TMEM108: variants seen among roughly 807,000 people sequenced by gnomAD.
TMEM108 encodes cancer/testis antigen 124.
Under a neutral mutation model 35.1 loss-of-function variants are expected in TMEM108, and 12 were observed. The ratio of observed to expected loss-of-function variants is 0.34; its 90% CI spans 0.22 to 0.55. The LOEUF (loss-of-function observed/expected upper bound fraction) is 0.55, where lower values mean the gene tolerates loss of function less well. Among genes scored for constraint, TMEM108 ranks in the 20% least tolerant of loss-of-function variants. The pLI, the probability that TMEM108 is intolerant of heterozygous loss-of-function variation, is 0.89. For synonymous variants in TMEM108, 287 were observed against 308.6 expected (o/e 0.93, Z 0.73); for missense variants, 680 against 753.3 (o/e 0.90, Z 1.14).
At chr3:133,200,669 C>A (rs930577389) in intron 2 of TMEM108, among the ~76,000 whole-genome samples, 2 of 152,202 alleles carry the variant, frequency 1.3e-5, no homozygotes, top group Non-Finnish European at 2.9e-5. Flanking sequence ...ATATCAATGA[C>A]TTCCCAGGGT....
chr3:133,134,285 G>A (rs1944533382), intron 2 of TMEM108, among the ~76,000 whole-genome samples: 2 of 151,866 alleles, frequency 1.3e-5, no homozygotes, highest in Admixed American at 6.6e-5. Context: ...ACTAATTATT[G>A]TATTCAATAT....
chr3:133,047,954 G>A (rs1313241801), intron 2 of TMEM108, among the ~76,000 whole-genome samples: 3 of 152,148 alleles, frequency 2.0e-5, no homozygotes, highest in Non-Finnish European at 1.5e-5. Context: ...CACTAACTGA[G>A]GAACAGTGGA....
At chr3:133,179,702 TGTTAAATGATGA>T (rs1200424428) in intron 2 of TMEM108, among the ~76,000 whole-genome samples, 1 of 152,082 alleles carries the variant, frequency 6.6e-6, no homozygotes, top group Non-Finnish European at 1.5e-5. Context: ...ATATACCTAA[TGTTAAATGATGA>T]GTTACTGGGT....
At chr3:133,372,612 T>G (rs927155431) in intron 3 of TMEM108, among the ~76,000 whole-genome samples, 3 of 152,212 alleles carry the variant, frequency 2.0e-5, no homozygotes, top group African/African-American at 7.2e-5. Flanking sequence ...TGGAATGTAT[T>G]CAAGAGATTG....
intron 3 of TMEM108, among the ~76,000 whole-genome samples, chr3:133,334,544 G>GAGGTGAGATGGGGTTCGC (rs2071454841): frequency 6.6e-6 from 1 of 152,140 alleles, no homozygotes; most frequent in Non-Finnish European, 1.5e-5. Flanking sequence ...CTGGCAGGAG[G>GAGGTGAGATGGGGTTCGC]AGGTGAGATG....
chr3:133,140,871 T>A (rs985852887), intron 2 of TMEM108, among the ~76,000 whole-genome samples: 2 of 152,152 alleles, frequency 1.3e-5, no homozygotes, highest in Non-Finnish European at 2.9e-5. Flanking sequence ...TAATTATATA[T>A]TGTGATTTAA....
At chr3:133,139,727 G>C (rs74653924) in intron 2 of TMEM108, among the ~76,000 whole-genome samples, 4,299 of 152,262 alleles carry the variant, frequency 0.028, 217 homozygotes, top group African/African-American at 0.098. Context: ...ATTTCTGGCT[G>C]CTCTGCCATT....
chr3:133,346,291 C>T lies in TMEM108; in HGVS notation c.41-33461C>T, dbSNP rs2071814894. Among the ~76,000 whole-genome samples, 1 of 151,894 alleles carries T rather than the reference C, an allele frequency of 6.6e-6. No homozygotes were observed. The highest frequency in any genetic ancestry group is 2.1e-4 in the South Asian group (1 of 4,830). ...GAGTTCCTGTTACTTCACTTCCTCA[C>T]CAGCATTTGGTATTATCAGTTTTGT... On this transcript the variant is annotated intron_variant, in intron 3 of 5. Transcript: ENST00000321871. The surrounding 1 kb of genome is among the most constrained non-coding windows in gnomAD (Gnocchi z 4.0).
At chr3:133,126,516 C>T (rs1353827650) in intron 2 of TMEM108, among the ~76,000 whole-genome samples, 1 of 151,672 alleles carries the variant, frequency 6.6e-6, no homozygotes, top group Non-Finnish European at 1.5e-5. Flanking sequence ...TATCTAGACC[C>T]TCCAGAGTCT....
chr3:133,178,347 C>A (rs529237396), intron 2 of TMEM108, among the ~76,000 whole-genome samples: 1 of 152,144 alleles, frequency 6.6e-6, no homozygotes, highest in African/African-American at 2.4e-5. Context: ...GCCCACATTG[C>A]CACATCAATC....
At chr3:133,185,742 A>G (rs62280329) in intron 2 of TMEM108, among the ~76,000 whole-genome samples, 27,873 of 150,228 alleles carry the variant, frequency 0.19, 3,421 homozygotes, top group East Asian at 0.38. Context: ...CCTTTGGCCA[A>G]TGAATTGGGG....
chr3:133,209,904 TA>T (rs1945812178), intron 2 of TMEM108, among the ~76,000 whole-genome samples: 1 of 152,038 alleles, frequency 6.6e-6, no homozygotes, highest in South Asian at 2.1e-4. Context: ...TTTCAGTCAC[TA>T]TCTCCTTATT....
intron 2 of TMEM108, among the ~76,000 whole-genome samples, chr3:133,117,608 G>C (rs2107730702): frequency 6.6e-6 from 1 of 152,270 alleles, no homozygotes. Flanking sequence ...CTTCTCAACA[G>C]GTTCACTTCT....
chr3:133,239,759 G>A (rs554579175), intron 3 of TMEM108, among the ~76,000 whole-genome samples: 1 of 152,330 alleles, frequency 6.6e-6, no homozygotes, highest in African/African-American at 2.4e-5. Flanking sequence ...CTATCCAGGA[G>A]CAGGAGACGC....
intron 2 of TMEM108, among the ~76,000 whole-genome samples, chr3:133,166,492 G>T (rs1452644993): frequency 1.3e-5 from 2 of 152,196 alleles, no homozygotes; most frequent in African/African-American, 4.8e-5. Context: ...TGTGTCCGGA[G>T]TTTGTTCCTT....
At chr3:133,154,393 G>A (rs1944846472) in intron 2 of TMEM108, among the ~76,000 whole-genome samples, 3 of 151,872 alleles carry the variant, frequency 2.0e-5, no homozygotes, top group Admixed American at 6.6e-5. Context: ...GTATTGCCTA[G>A]GTTTTCTTCT....
intron 3 of TMEM108, among the ~76,000 whole-genome samples, chr3:133,379,102 G>A (rs989913793): frequency 6.6e-6 from 1 of 152,162 alleles, no homozygotes. Context: ...GGATATGTGC[G>A]AGCTTATCCA....
At chr3:133,287,046 A>G (rs372370142) in intron 3 of TMEM108, among the ~76,000 whole-genome samples, 66 of 152,118 alleles carry the variant, frequency 4.3e-4, no homozygotes, top group Middle Eastern at 3.2e-3. Flanking sequence ...TCTTTGCTGT[A>G]AAAACAGGCA....
At chr3:133,179,088 A>G (rs376525273) in intron 2 of TMEM108, among the ~76,000 whole-genome samples, 39,117 of 151,186 alleles carry the variant, frequency 0.26, 5,111 homozygotes, top group Middle Eastern at 0.38. Context: ...GAGAAATGCA[A>G]ATCAAAACCA....
Sources: gnomAD v4.1 joint callset for allele counts (sites outside exome capture counted in the v4.1 genomes callset) on GRCh38, gnomAD v4.1.1 for gene constraint, Gnocchi (gnomAD v3.1) non-coding constraint, MANE v1.5 for transcripts, NCBI Gene and HGNC (gene_info 2026-07-23, HGNC 2026-07-21) for gene names.